The following MAST4 variants were observed in gnomAD, a reference collection of about 807,000 sequenced individuals.
The protein encoded by MAST4 is microtubule associated serine/threonine kinase family member 4.
A neutral mutation model predicts 162.7 loss-of-function variants in MAST4; 89 were observed. The ratio of observed to expected loss-of-function variants is 0.55; its 90% CI spans 0.46 to 0.65. The LOEUF (loss-of-function observed/expected upper bound fraction) is 0.65, where lower values mean the gene tolerates loss of function less well. MAST4 is among the 30% of genes least tolerant of loss of function. The pLI is 0.00. For synonymous variants in MAST4, 1,479 were observed against 1,361.1 expected, an observed-to-expected ratio of 1.09 and a Z score of -1.91; for missense variants, 3,153 against 3,374.0, an observed-to-expected ratio of 0.93 and a Z score of 1.62.
At chr5:66,934,312 T>C (rs924023144) in intron 4 of MAST4, among the ~76,000 whole-genome samples, 5 of 152,096 alleles carry the variant, frequency 3.3e-5, no homozygotes, top group African/African-American at 1.2e-4. Flanking sequence ...ACAAAGCCTT[T>C]AGTGATGATT....
At chr5:66,828,726 C>A in intron 3 of MAST4, 1 of 1,479,814 alleles carries the variant, frequency 6.8e-7, no homozygotes, top group African/African-American at 1.4e-5. Flanking sequence ...GGGCTCCAAT[C>A]AGCTAGAGCG....
At chr5:66,744,377 C>G (rs1752635885) in intron 1 of MAST4, among the ~76,000 whole-genome samples, 2 of 152,192 alleles carry the variant, frequency 1.3e-5, no homozygotes, top group African/African-American at 4.8e-5. Flanking sequence ...CGTTTTCCCT[C>G]TTAATATGAA....
intron 4 of MAST4, among the ~76,000 whole-genome samples, chr5:66,919,903 T>A (rs1294068479): frequency 1.6e-3 from 2 of 1,222 alleles, no homozygotes; most frequent in African/African-American, 3.0e-3. Context: ...TCTCTCTCCT[T>A]CCTTCCTTCC....
intron 5 of MAST4, among the ~76,000 whole-genome samples, chr5:67,068,651 G>A (rs757790418): frequency 3.9e-5 from 6 of 152,190 alleles, no homozygotes; most frequent in Non-Finnish European, 7.3e-5. Flanking sequence ...AATAGATAGT[G>A]GTGGTGGGGT....
intron 19 of MAST4, among the ~76,000 whole-genome samples, chr5:67,139,005 A>G (rs1370295937): frequency 6.6e-6 from 1 of 152,156 alleles, no homozygotes; most frequent in African/African-American, 2.4e-5. Flanking sequence ...TTCTCTGCAC[A>G]TTTTCTTGTT....
rs746272289 is a variant in MAST4 at position 67,144,688 on chromosome 5, G to A, written c.2750G>A (p.Arg917Gln). The change falls in exon 22 of 29, where the codon CGA (arginine) becomes CAA (glutamine). Residue 917 changes from arginine to glutamine, a missense_variant. Physicochemically the swap from Arg to Gln is conservative, Grantham distance 43. This residue lies in a region of MAST4 where 619 missense variants were observed against 744.2 expected (regional missense o/e 0.83). Coordinates refer to ENST00000403625, the MANE Select transcript of MAST4 (RefSeq NM_001164664.2). Reference sequence around the variant, plus strand: ...TTCCAGGTTTTCAGCAGTATAGATCGAATCACTCAGAATTCAGCAGAAGAG... The same window carrying A: ...TTCCAGGTTTTCAGCAGTATAGATCAAATCACTCAGAATTCAGCAGAAGAG... ...RFSKVFSSID[R>Q]ITQNSAEEKE... 36 of 1,613,646 alleles carry A rather than the reference G, an allele frequency of 2.2e-5. No individual in the cohort carries two copies. The highest frequency in any genetic ancestry group is 1.6e-4 in the Middle Eastern group (1 of 6,082).
rs1019411210 is a variant in MAST4, at chr5:66,943,019, G to A, written c.674+43037G>A. Among the ~76,000 whole-genome samples, 13 of 152,054 alleles carry A rather than the reference G, an allele frequency of 8.5e-5. No homozygotes were observed. The East Asian group carries it at 2.3e-3, about 27-fold the overall frequency. ...GAAAGGGGTGTGGCAGCTCTTTGGG[G>A]CCTCTTTTATAAGGTACTGATGCCA... On this transcript the variant is annotated intron_variant, in intron 4 of 28. Transcript: ENST00000403625.
intron 4 of MAST4, among the ~76,000 whole-genome samples, chr5:67,030,214 G>A (rs1755135707): frequency 6.6e-6 from 1 of 151,936 alleles, no homozygotes; most frequent in African/African-American, 2.4e-5. Context: ...CATTTCTCAG[G>A]GCAATACAAC....
intron 3 of MAST4, among the ~76,000 whole-genome samples, chr5:66,876,721 A>G (rs144430457): frequency 6.6e-6 from 1 of 152,304 alleles, no homozygotes; most frequent in East Asian, 1.9e-4. Context: ...CCTCAATCCT[A>G]AAGAGGGCAT....
intron 4 of MAST4, among the ~76,000 whole-genome samples, chr5:67,005,553 A>C (rs1485348124): frequency 2.0e-5 from 3 of 151,668 alleles, no homozygotes; most frequent in Non-Finnish European, 4.4e-5. Flanking sequence ...ATTTCATACT[A>C]TCTGTGGAGA....
chr5:66,845,126 T>TATATACATACAC (rs1358855625), intron 3 of MAST4, among the ~76,000 whole-genome samples: 1 of 67,178 alleles, frequency 1.5e-5, no homozygotes, highest in African/African-American at 5.6e-5. Flanking sequence ...TATATATATA[T>TATATACATACAC]ACACACACAC....
intron 4 of MAST4, among the ~76,000 whole-genome samples, chr5:66,972,388 C>G (rs1267109037): frequency 1.3e-5 from 2 of 152,146 alleles, no homozygotes; most frequent in African/African-American, 2.4e-5. Flanking sequence ...TGGAGATACC[C>G]CACATTGAGA....
chr5:67,098,611 C>T (rs1764702003), intron 7 of MAST4, among the ~76,000 whole-genome samples: 1 of 152,034 alleles, frequency 6.6e-6, no homozygotes, highest in African/African-American at 2.4e-5. Context: ...AAAATGGTTA[C>T]CTGGAGAGAC....
chr5:66,779,241 T>C (rs986236624), intron 2 of MAST4, among the ~76,000 whole-genome samples: 1 of 152,202 alleles, frequency 6.6e-6, no homozygotes, highest in Non-Finnish European at 1.5e-5. Context: ...CTACTCCCAA[T>C]ACCAGCCTTC....
intron 4 of MAST4, among the ~76,000 whole-genome samples, chr5:66,975,392 T>A (rs942012648): frequency 2.0e-5 from 3 of 152,204 alleles, no homozygotes; most frequent in Non-Finnish European, 4.4e-5. Context: ...TGGTGAGCAC[T>A]TTCACGTTCA....
At chr5:66,651,984 ATG>A (rs1424068502) in intron 1 of MAST4, among the ~76,000 whole-genome samples, 3 of 152,090 alleles carry the variant, frequency 2.0e-5, no homozygotes, top group South Asian at 2.1e-4. Context: ...TAATTTTGCC[ATG>A]TTCTGGTCAT....
intron 3 of MAST4, among the ~76,000 whole-genome samples, chr5:66,894,738 A>G (rs1045927396): frequency 1.3e-5 from 2 of 152,200 alleles, no homozygotes; most frequent in African/African-American, 2.4e-5. Context: ...CTCTGTTTCT[A>G]TGTGGGGTTT....
intron 1 of MAST4, among the ~76,000 whole-genome samples, chr5:66,663,859 A>G (rs1380796190): frequency 6.6e-6 from 1 of 152,120 alleles, no homozygotes; most frequent in Admixed American, 6.5e-5. Flanking sequence ...CATGTTGAGG[A>G]TAGATTGTGG....
At position 66,754,863 on chromosome 5, in the gene MAST4, G is replaced by A. The variant is rs1753429975; in HGVS notation, c.364-4846G>A. 2.6e-5 allele frequency among the ~76,000 whole-genome samples: 4 copies of A among 152,286 alleles called. No homozygotes were observed. In the South Asian group the frequency reaches 8.3e-4, roughly 32 times the overall value. ...CCAGGAAGAGTGACATTTGAATAGA[G>A]ACCCAGAGGACAGAGGGGGCACAAT... is the stretch of plus-strand genomic sequence containing the variant. On this transcript the variant is annotated intron_variant, in intron 1 of 28. Coordinates refer to ENST00000403625, the MANE Select transcript of MAST4 (RefSeq NM_001164664.2).
Sources: gnomAD v4.1 joint callset for allele counts (sites outside exome capture counted in the v4.1 genomes callset) on GRCh38, gnomAD v4.1.1 for gene constraint, gnomAD v4.1.1 regional missense constraint, MANE v1.5 for transcripts, NCBI Gene and HGNC (gene_info 2026-07-23, HGNC 2026-07-21) for gene names.